The following MPND variants were observed in gnomAD, a reference collection of about 807,000 sequenced individuals.
The protein encoded by MPND is MPN domain containing.
A neutral mutation model predicts 59.2 loss-of-function variants in MPND; 56 were observed. That is an observed-to-expected ratio of 0.95 (90% CI 0.76 to 1.18). The LOEUF is 1.18. MPND is among the 50% of genes most tolerant of loss of function. The pLI, the probability that MPND is intolerant of heterozygous loss-of-function variation, is 0.00. For missense variants in MPND, 671 were observed against 676.0 expected, an observed-to-expected ratio of 0.99 and a Z score of 0.08; for synonymous variants, 323 against 291.9, an observed-to-expected ratio of 1.11 and a Z score of -1.09.
intron 3 of MPND, among the ~76,000 whole-genome samples, chr19:4,351,134 C>T (rs964617651): frequency 6.6e-5 from 10 of 152,164 alleles, no homozygotes; most frequent in South Asian, 4.1e-4. Context: ...GACAGAGTCT[C>T]GCTCCGTCAC....
At chr19:4,343,667 G>T (rs1300680702) in intron 1 of MPND, 41 bp from the exon 2 acceptor site, 7 of 1,199,568 alleles carry the variant, frequency 5.8e-6, no homozygotes, top group Non-Finnish European at 7.2e-6. Context: ...CTGCAGAGCC[G>T]TGGGGCGAGC....
chr19:4,345,801 C>A lies in MPND; in HGVS notation c.351C>A (p.Thr117=), dbSNP rs749222856. The part of the protein sequence containing the change: ...QPDGRIMWQE[T]GQTFNSPSAW... ...ACGGAAGGATCATGTGGCAGGAGAC[C>A]GGGCAGACCTTCAACTCACCCAGCG... is the stretch of plus-strand genomic sequence containing the variant. The change falls in exon 3 of 13, where the codon ACC becomes ACA. Residue 117 remains threonine, a synonymous_variant. Coordinates refer to ENST00000599840, the MANE Select transcript of MPND (RefSeq NM_001300862.2). 1 of 1,613,928 alleles carries A rather than the reference C, an allele frequency of 6.2e-7. No individual in the cohort carries two copies. Among genetic ancestry groups the A allele is most frequent in the Non-Finnish European group, 8.5e-7 (1 of 1,180,014 alleles).
intron 10 of MPND, 106 bp downstream of exon 10, chr19:4,357,691 C>G: frequency 8.7e-7 from 1 of 1,155,210 alleles, no homozygotes; most frequent in Non-Finnish European, 1.2e-6. Context: ...AGAGTTGGGG[C>G]CCCAGTTTCT....
intron 3 of MPND, among the ~76,000 whole-genome samples, chr19:4,346,962 G>A (rs189290854): frequency 1.3e-5 from 2 of 151,856 alleles, no homozygotes; most frequent in African/African-American, 2.4e-5. Context: ...CCTGCAAGGC[G>A]GAGGTTGCAG....
chr19:4,358,043 G>T (rs1364647923), intron 10 of MPND, 40 bp from the exon 11 acceptor site: 1 of 1,514,010 alleles, frequency 6.6e-7, no homozygotes, highest in South Asian at 1.2e-5. Context: ...ATGGGCTGCG[G>T]GCTGGTGAGG....
At position 4,352,774 on chromosome 19, in the gene MPND, A is replaced by G. The variant is rs977491579; in HGVS notation, c.532-123A>G. 1.8e-5 allele frequency: 17 copies of G among 962,476 alleles called. No individual in the cohort carries two copies. In the Admixed American group the frequency reaches 2.4e-4, roughly 13 times the overall value. The allele number at this position is 962,476 out of a possible 1,614,324, so 59.6% of individuals were successfully genotyped here. On this transcript the variant is annotated intron_variant, in intron 3 of 12. Transcript: ENST00000599840. ...CCTTCTCTGCTCCCTCCCTCCCTCT[A>G]GTGGTCATGTGGGGCAATGGCACTT...
intron 3 of MPND, among the ~76,000 whole-genome samples, chr19:4,350,101 G>T (rs897581760): frequency 1.3e-5 from 2 of 148,358 alleles, no homozygotes; most frequent in South Asian, 4.5e-4. Context: ...GCTTCACTGA[G>T]AAGGTGACAT....
chr19:4,350,539 G>A (rs1223670434), intron 3 of MPND, among the ~76,000 whole-genome samples: 1 of 152,216 alleles, frequency 6.6e-6, no homozygotes, highest in Non-Finnish European at 1.5e-5. Flanking sequence ...GGCCGACCAT[G>A]GAGCAGGGAA....
At chr19:4,356,244 G>A (rs1972435834) in intron 8 of MPND, among the ~76,000 whole-genome samples, 1 of 152,040 alleles carries the variant, frequency 6.6e-6, no homozygotes, top group Non-Finnish European at 1.5e-5. Flanking sequence ...TCTGTAAAAT[G>A]AGCGGCTTCA....
At position 4,343,587 on chromosome 19, in the gene MPND, C is replaced by T. The variant is rs905010643; in HGVS notation, c.-7C>T. 1.6e-6 allele frequency: 2 copies of T among 1,219,420 alleles called. No individual in the cohort carries two copies. Among genetic ancestry groups the T allele is most frequent in the African/African-American group, 1.6e-5 (1 of 63,718 alleles). The allele number at this position is 1,219,420 out of a possible 1,614,324, so 75.5% of individuals were successfully genotyped here. A position where few individuals can be genotyped will look rare whatever the true frequency, so the allele number is the denominator to read the frequency against. On this transcript the variant is annotated 5_prime_UTR_variant, in exon 1 of 13. Coordinates refer to ENST00000599840, the MANE Select transcript of MPND (RefSeq NM_001300862.2). ...GTCTAGAGCTCCGGGCGCGGGGAGG[C>T]GCGGCCATGGCAGGTACGGCGGGCC...
At chr19:4,357,896 T>G (rs1195032040) in intron 10 of MPND, 187 bp from the exon 11 acceptor site, 1 of 616,350 alleles carries the variant, frequency 1.6e-6, no homozygotes, top group Non-Finnish European at 2.9e-6. Flanking sequence ...CTGGCTCTCC[T>G]CTGGGCCTCT....
In MPND at chr19:4,354,351, A is replaced by G. The variant is rs1260767315; in HGVS notation, c.777A>G (p.Thr259=). 2.6e-6 allele frequency: 4 copies of G among 1,561,378 alleles called. No individual in the cohort carries two copies. Among genetic ancestry groups the G allele is most frequent in the Non-Finnish European group, 3.5e-6 (4 of 1,151,414 alleles). ...ACCCCCACACCCTGGTGGAAGTAAC[A>G]TCCTTTGCAGCCATCAACAAGTTCC... ...ARNPHTLVEV[T]SFAAINKFQP... Residue 259 remains threonine, a synonymous_variant, in exon 6 of 13, where the codon ACA becomes ACG. Transcript: ENST00000599840.
intron 11 of MPND, 122 bp from the exon 12 acceptor site, chr19:4,359,041 T>G: frequency 4.7e-6 from 3 of 638,828 alleles, no homozygotes; most frequent in Non-Finnish European, 8.5e-6. Context: ...GATCTCTTTG[T>G]GGTTGGTTTG....
intron 2 of MPND, among the ~76,000 whole-genome samples, chr19:4,344,596 C>A (rs1284569015): frequency 6.6e-6 from 1 of 152,194 alleles, no homozygotes; most frequent in East Asian, 1.9e-4. Flanking sequence ...ATGGGCAACA[C>A]CCCGGCCTTC....
rs548553939 is a variant in MPND, at chr19:4,355,836, G to T, written c.996+663G>T. Among the ~76,000 whole-genome samples the T allele has an allele frequency of 2.7e-3, 405 of 150,620 alleles. 1 individual carries two copies. The highest frequency in any genetic ancestry group is 4.4e-3 in the Non-Finnish European group (295 of 67,786). ...GTCTCCCAAAGTGCTGGGATTACAG[G>T]TGTGAGCCACTGCGCCCGGCCTTTT... is the stretch of plus-strand genomic sequence containing the variant. On this transcript the variant is annotated intron_variant, in intron 8 of 12. Coordinates refer to ENST00000599840, the MANE Select transcript of MPND (RefSeq NM_001300862.2).
In MPND at chr19:4,357,987, A is replaced by G. The variant is rs1452532041; in HGVS notation, c.1237-96A>G. The stretch of plus-strand genomic sequence containing the variant: ...GGTGCAGAGCTGAGCCGGGGTGTGC[A>G]CTCTCCCGTTCCCAGCCCGGGCACT... On this transcript the variant is annotated intron_variant, in intron 10 of 12. Transcript: ENST00000599840. 3.1e-6 allele frequency: 3 copies of G among 982,652 alleles called. No individual in the cohort carries two copies. The East Asian group carries it at 7.9e-5, about 26-fold the overall frequency. 60.9% of individuals were successfully genotyped at this position (982,652 alleles called of 1,614,324 possible). A position where few individuals can be genotyped will look rare whatever the true frequency, so the allele number is the denominator to read the frequency against.
chr19:4,359,144 A>G lies in MPND; in HGVS notation c.1327-19A>G. ...AGGCTTGGAGGGAGCCTGGGAGTCCATGCTCCTCTGTCCTGTAGATGCTGC... is the reference window on the plus strand; with the variant it reads ...AGGCTTGGAGGGAGCCTGGGAGTCCGTGCTCCTCTGTCCTGTAGATGCTGC... On this transcript the variant is annotated intron_variant, in intron 11 of 12. Coordinates refer to ENST00000599840, the MANE Select transcript of MPND (RefSeq NM_001300862.2). 1.3e-6 allele frequency: 2 copies of G among 1,596,046 alleles called. No individual in the cohort carries two copies. The highest frequency in any genetic ancestry group is 2.2e-5 in the South Asian group (2 of 90,730).
At chr19:4,345,722 C>A in intron 2 of MPND, 23 bp from the exon 3 acceptor site, 1 of 1,611,798 alleles carries the variant, frequency 6.2e-7, no homozygotes, top group Non-Finnish European at 8.5e-7. Flanking sequence ...GTCCTGGGCC[C>A]AGCCAGCTGA....
At chr19:4,353,835 TTTC>T (rs1972372917) in intron 4 of MPND, 1 of 503,830 alleles carries the variant, frequency 2.0e-6, no homozygotes, top group Non-Finnish European at 3.5e-6. Flanking sequence ...TGAAAAAAAA[TTTC>T]TTCTTTGTAA....
Sources: allele counts gnomAD v4.1 joint callset (sites outside exome capture counted in the v4.1 genomes callset), GRCh38; gene constraint gnomAD v4.1.1; transcripts MANE v1.5; gene names NCBI Gene and HGNC (gene_info 2026-07-23, HGNC 2026-07-21).